ADNP2: variants seen among roughly 807,000 people sequenced by gnomAD.
ADNP2 encodes the protein activity-dependent neuroprotector homeobox protein 2.
Under a neutral mutation model 16.4 loss-of-function variants are expected in ADNP2, and 8 were observed. The observed-to-expected ratio is 0.49, with a 90% CI of 0.29 to 0.88. The LOEUF (loss-of-function observed/expected upper bound fraction) is 0.88. Among genes scored for constraint, ADNP2 ranks in the 40% least tolerant of loss-of-function variants. The pLI, the probability that ADNP2 is intolerant of heterozygous loss-of-function variation, is 0.09. For synonymous variants in ADNP2, 637 were observed against 545.8 expected (o/e 1.17, Z -2.33); for missense variants, 1,397 against 1,395.1 (o/e 1.00, Z -0.02).
chr18:80,127,134 C>T (rs190039154), intron 2 of ADNP2, among the ~76,000 whole-genome samples: 30 of 152,220 alleles, frequency 2.0e-4, no homozygotes, highest in African/African-American at 6.7e-4. Context: ...ACTTCCTGTA[C>T]CAAATCTAAT....
chr18:80,111,566 AT>A (rs34338300), intron 1 of ADNP2, among the ~76,000 whole-genome samples: 75,273 of 126,892 alleles, frequency 0.59, 20,303 homozygotes, highest in Admixed American at 0.64. Flanking sequence ...CCTGAATGAC[AT>A]TTTTTTTTTT....
intron 1 of ADNP2, among the ~76,000 whole-genome samples, chr18:80,110,180 A>G (rs890842863): frequency 8.5e-5 from 13 of 152,204 alleles, no homozygotes; most frequent in Non-Finnish European, 1.9e-4. Context: ...ATTACTTTTC[A>G]TCTGCCGTTG....
intron 2 of ADNP2, among the ~76,000 whole-genome samples, chr18:80,125,638 G>A (rs111257097): frequency 0.03 from 4,603 of 151,298 alleles, 108 homozygotes; most frequent in Non-Finnish European, 0.044. Flanking sequence ...GTGAGACTCC[G>A]TCTCAAAAAA....
At chr18:80,132,596 CT>C (rs1005694501) in intron 2 of ADNP2, among the ~76,000 whole-genome samples, 1 of 151,768 alleles carries the variant, frequency 6.6e-6, no homozygotes, top group Non-Finnish European at 1.5e-5. Flanking sequence ...TCCTTCCTCT[CT>C]TTTCTCTTTC....
intron 2 of ADNP2, among the ~76,000 whole-genome samples, chr18:80,121,124 C>G (rs545300651): frequency 6.6e-6 from 1 of 152,318 alleles, no homozygotes; most frequent in South Asian, 2.1e-4. Flanking sequence ...AATCTGTTCA[C>G]ATCATTACCA....
intron 2 of ADNP2, among the ~76,000 whole-genome samples, chr18:80,122,107 A>G (rs987133992): frequency 1.3e-5 from 2 of 152,122 alleles, no homozygotes; most frequent in Admixed American, 1.3e-4. Flanking sequence ...TTTAGTAGAG[A>G]CGGGGTTTTG....
At chr18:80,134,056 A>T (rs72978305) in intron 3 of ADNP2, among the ~76,000 whole-genome samples, 2 of 151,828 alleles carry the variant, frequency 1.3e-5, no homozygotes, top group South Asian at 4.1e-4. Context: ...TCAGTCTCTG[A>T]CCTGACACTC....
intron 2 of ADNP2, among the ~76,000 whole-genome samples, chr18:80,121,879 A>C (rs1002357168): frequency 6.6e-6 from 1 of 151,592 alleles, no homozygotes; most frequent in Non-Finnish European, 1.5e-5. Flanking sequence ...TCTCAGTTCT[A>C]TTCCATTGAT....
At chr18:80,123,555 A>G (rs1467814110) in intron 2 of ADNP2, among the ~76,000 whole-genome samples, 1 of 151,696 alleles carries the variant, frequency 6.6e-6, no homozygotes, top group Non-Finnish European at 1.5e-5. Flanking sequence ...TTTTTAGTAG[A>G]GACGGGTTTT....
chr18:80,114,793 A>G (rs916687692), intron 1 of ADNP2, among the ~76,000 whole-genome samples: 17 of 152,126 alleles, frequency 1.1e-4, no homozygotes, highest in African/African-American at 3.6e-4. Context: ...TCATCTGGGA[A>G]GACTCAAAGG....
intron 1 of ADNP2, among the ~76,000 whole-genome samples, chr18:80,115,338 T>G (rs2052382307): frequency 6.6e-6 from 1 of 152,186 alleles, no homozygotes; most frequent in African/African-American, 2.4e-5. Context: ...CTCCAGCCAT[T>G]TTTCCTAGGG....
At chr18:80,119,246 C>G (rs1167483932) in intron 2 of ADNP2, among the ~76,000 whole-genome samples, 2 of 151,904 alleles carry the variant, frequency 1.3e-5, no homozygotes, top group African/African-American at 2.4e-5. Context: ...TCTTTGTTTT[C>G]AAGCAGCAGA....
chr18:80,140,279 AT>A lies in ADNP2; in HGVS notation c.*1482del, dbSNP rs36034769. 0.024 allele frequency: 3,540 copies of A among 146,458 alleles called. 48 individuals carry two copies. The highest frequency in any genetic ancestry group is 0.04 in the Middle Eastern group (11 of 276). 9.1% of individuals were successfully genotyped at this position (146,458 alleles called of 1,614,324 possible). ...TAAATTCAAAGAGAGCTTGTTGAACATTTTTTTTTTTTACCTATTGTTTTCA... is the reference window on the plus strand; with the variant it reads ...TAAATTCAAAGAGAGCTTGTTGAACATTTTTTTTTTTACCTATTGTTTTCA... On this transcript the variant is annotated 3_prime_UTR_variant, in exon 4 of 4. Transcript: ENST00000262198.
intron 1 of ADNP2, chr18:80,109,819 G>A (rs1450316901): frequency 6.6e-6 from 1 of 152,670 alleles, no homozygotes; most frequent in Admixed American, 6.5e-5. Flanking sequence ...CGGGGACCGA[G>A]GGAGAGAGGG....
In ADNP2 at chr18:80,117,608, T is replaced by G; in HGVS notation, c.66T>G (p.Ile22Met). The G allele has an allele frequency of 3.1e-6, 5 of 1,608,230 alleles. No homozygotes were observed. The highest frequency in any genetic ancestry group is 4.2e-6 in the Non-Finnish European group (5 of 1,178,316). ...IRKVRKKVKG[I>M]LVDIGLDSCK... The stretch of plus-strand genomic sequence containing the variant: ...AGGTGCGAAAAAAGGTGAAAGGTAT[T>G]CTTGTGGATATTGGGCTTGACAGCT... The change falls in exon 2 of 4, where the codon ATT (isoleucine) becomes ATG (methionine). Residue 22 changes from isoleucine to methionine, a missense_variant. Around this residue, in one of 3 missense-constraint regions of ADNP2, gnomAD observed 777 missense variants for 719.4 expected, o/e 1.08. Coordinates refer to ENST00000262198, the MANE Select transcript of ADNP2 (RefSeq NM_014913.4).
chr18:80,128,660 A>T (rs1321780484), intron 2 of ADNP2, among the ~76,000 whole-genome samples: 4 of 152,210 alleles, frequency 2.6e-5, no homozygotes, highest in African/African-American at 9.6e-5. Flanking sequence ...AAAAAAAGAA[A>T]TAAATAAATA....
chr18:80,136,736 T>C lies in ADNP2; in HGVS notation c.1323T>C (p.Ser441=). Residue 441 remains serine (S), a synonymous_variant, in exon 4 of 4, where the codon AGT becomes AGC. Coordinates refer to ENST00000262198, the MANE Select transcript of ADNP2 (RefSeq NM_014913.4). Reference sequence around the variant, plus strand: ...TCTCGCCAGGGGTGCTTTCTGTGAGTCGGGCGGTCCCGTCTGGAGTCCTTC... The same window carrying C: ...TCTCGCCAGGGGTGCTTTCTGTGAGCCGGGCGGTCCCGTCTGGAGTCCTTC... ...QAVSPGVLSV[S]RAVPSGVLPA... 6.2e-7 allele frequency: 1 copy of C among 1,613,018 alleles called. No individual in the cohort carries two copies. Among genetic ancestry groups the C allele is most frequent in the South Asian group, 1.1e-5 (1 of 91,038 alleles).
At chr18:80,120,449 A>C (rs898895269) in intron 2 of ADNP2, among the ~76,000 whole-genome samples, 6 of 150,244 alleles carry the variant, frequency 4.0e-5, no homozygotes, top group Admixed American at 6.7e-5. Flanking sequence ...CTCCTAACTC[A>C]GCTTTCTGAG....
intron 2 of ADNP2, among the ~76,000 whole-genome samples, chr18:80,117,998 G>A (rs570448974): frequency 3.3e-4 from 50 of 151,952 alleles, no homozygotes; most frequent in African/African-American, 1.1e-3. Flanking sequence ...GAAATGATAG[G>A]GTTTTTTTTA....
Sources: gnomAD v4.1 joint callset for allele counts (sites outside exome capture counted in the v4.1 genomes callset) on GRCh38, gnomAD v4.1.1 for gene constraint, gnomAD v4.1.1 regional missense constraint, MANE v1.5 for transcripts, NCBI Gene and HGNC (gene_info 2026-07-23, HGNC 2026-07-21) for gene names.